The following SNX9 variants were observed in gnomAD, a reference collection of about 807,000 sequenced individuals.
The protein encoded by SNX9 is sorting nexin 9.
Under a neutral mutation model 89.4 loss-of-function variants are expected in SNX9, and 44 were observed. That is an observed-to-expected ratio of 0.49 (90% CI 0.39 to 0.63). SNX9 has a LOEUF of 0.63. SNX9 is among the 30% of genes least tolerant of loss of function. The probability of loss-of-function intolerance (pLI) is 0.00; values close to 1 mark genes in which losing one functional copy is unlikely to be tolerated. For synonymous variants in SNX9, 236 were observed against 247.8 expected (o/e 0.95, Z 0.45); for missense variants, 578 against 736.1 (o/e 0.79, Z 2.49).
intron 1 of SNX9, among the ~76,000 whole-genome samples, chr6:157,850,371 G>T (rs1186896301): frequency 2.0e-5 from 3 of 152,098 alleles, no homozygotes; most frequent in Non-Finnish European, 4.4e-5. Flanking sequence ...TTAAGAGAAG[G>T]TATTATTCAA....
intron 1 of SNX9, among the ~76,000 whole-genome samples, chr6:157,845,234 G>A (rs750275049): frequency 2.6e-5 from 4 of 151,020 alleles, no homozygotes; most frequent in Non-Finnish European, 5.9e-5. Flanking sequence ...TCAGCTTTCC[G>A]AATAGCTGGG....
chr6:157,828,416 T>G (rs1781421511), intron 1 of SNX9, among the ~76,000 whole-genome samples: 2 of 152,372 alleles, frequency 1.3e-5, no homozygotes, highest in South Asian at 4.1e-4. Flanking sequence ...TACTGCTGTT[T>G]CTTTTCTGGA....
chr6:157,832,815 C>T (rs1781502064), intron 1 of SNX9, among the ~76,000 whole-genome samples: 2 of 152,216 alleles, frequency 1.3e-5, no homozygotes, highest in South Asian at 4.1e-4. Context: ...ATTATGGGAA[C>T]TACAATTCAA....
Position 157,897,014 on chromosome 6 carries a change from C to G in SNX9, c.472+16C>G. 1.3e-6 allele frequency: 2 copies of G among 1,568,626 alleles called. No individual in the cohort carries two copies. The highest frequency in any genetic ancestry group is 1.7e-6 in the Non-Finnish European group (2 of 1,163,532). On this transcript the variant is annotated intron_variant, in intron 5 of 17. Coordinates refer to ENST00000392185, the MANE Select transcript of SNX9 (RefSeq NM_016224.5). The stretch of plus-strand genomic sequence containing the variant: ...CAAGGACCAGGTGAGGAGAGGGGTG[C>G]AAGGTCCCACCCTGCCCGCCCATGG...
At chr6:157,907,254 C>T (rs1783234640) in intron 7 of SNX9, among the ~76,000 whole-genome samples, 1 of 151,770 alleles carries the variant, frequency 6.6e-6, no homozygotes, top group South Asian at 2.1e-4. Context: ...ATCAAGAGCG[C>T]ACAGCTCTGC....
intron 16 of SNX9, among the ~76,000 whole-genome samples, chr6:157,939,433 AAATC>A (rs751389396): frequency 1.3e-5 from 2 of 152,214 alleles, no homozygotes; most frequent in Admixed American, 6.5e-5. Flanking sequence ...GAGTAAAAAA[AAATC>A]AATCCTCAAG....
chr6:157,870,557 GCT>G (rs898476196), intron 2 of SNX9, among the ~76,000 whole-genome samples: 4 of 130,974 alleles, frequency 3.1e-5, no homozygotes, highest in African/African-American at 1.2e-4. Context: ...ACTCTCACCT[GCT>G]CTCACACATA....
intron 1 of SNX9, among the ~76,000 whole-genome samples, chr6:157,864,914 G>C (rs993966565): frequency 1.3e-5 from 2 of 152,194 alleles, no homozygotes; most frequent in East Asian, 1.9e-4. Context: ...TGTAATCCCA[G>C]CTACTCGGGA....
Position 157,823,891 on chromosome 6 carries a change from G to T in SNX9, c.12+445G>T, listed in dbSNP as rs1472651990. 2.0e-5 allele frequency among the ~76,000 whole-genome samples: 3 copies of T among 151,904 alleles called. No individual in the cohort carries two copies. The highest frequency in any genetic ancestry group is 1.9e-4 in the East Asian group (1 of 5,160). Reference sequence around the variant, plus strand: ...TGGGGGACCCTCGCCCCCGCGGGGCGGGTGGGGGTCGAGACCTCGGCGGAG... The same window carrying T: ...TGGGGGACCCTCGCCCCCGCGGGGCTGGTGGGGGTCGAGACCTCGGCGGAG... On this transcript the variant is annotated intron_variant, in intron 1 of 17. Transcript: ENST00000392185. This position sits in a 1 kb window ranked among gnomAD's most constrained non-coding sequence, Gnocchi z 4.6.
intron 16 of SNX9, among the ~76,000 whole-genome samples, chr6:157,940,363 C>T (rs1784012850): frequency 6.6e-6 from 1 of 152,206 alleles, no homozygotes; most frequent in East Asian, 1.9e-4. Context: ...TTTGAATATG[C>T]AAGACAGTGA....
chr6:157,847,614 G>A (rs1781829940), intron 1 of SNX9, among the ~76,000 whole-genome samples: 1 of 152,106 alleles, frequency 6.6e-6, no homozygotes, highest in African/African-American at 2.4e-5. Flanking sequence ...GCCTTGCTGG[G>A]AAGGAGCCAG....
At chr6:157,861,432 A>C (rs1166718742) in intron 1 of SNX9, among the ~76,000 whole-genome samples, 1 of 152,250 alleles carries the variant, frequency 6.6e-6, no homozygotes, top group African/African-American at 2.4e-5. Flanking sequence ...AACTGTAGAA[A>C]GCGTGCTCAT....
chr6:157,828,828 G>C (rs1457902506), intron 1 of SNX9, among the ~76,000 whole-genome samples: 1 of 152,114 alleles, frequency 6.6e-6, no homozygotes, highest in African/African-American at 2.4e-5. Flanking sequence ...AGCCTTTCCT[G>C]ATGTCCCCGC....
chr6:157,886,762 T>G (rs1252212538), intron 4 of SNX9, among the ~76,000 whole-genome samples: 1 of 152,242 alleles, frequency 6.6e-6, no homozygotes, highest in African/African-American at 2.4e-5. Flanking sequence ...AGAAGTTATT[T>G]TATAGCTACT....
At chr6:157,882,851 A>G (rs1056512006) in intron 4 of SNX9, among the ~76,000 whole-genome samples, 3 of 152,236 alleles carry the variant, frequency 2.0e-5, no homozygotes, top group African/African-American at 7.2e-5. Flanking sequence ...TGCTATGAAC[A>G]TTGTTGACAA....
chr6:157,895,064 G>A (rs1335126100), intron 4 of SNX9, among the ~76,000 whole-genome samples: 1 of 152,216 alleles, frequency 6.6e-6, no homozygotes, highest in East Asian at 1.9e-4. Context: ...CGATACGTAT[G>A]TATGAGAGGA....
intron 11 of SNX9, 101 bp from the exon 12 acceptor site, chr6:157,928,496 ATC>A: frequency 1.2e-6 from 1 of 844,096 alleles, no homozygotes; most frequent in Non-Finnish European, 1.9e-6. Flanking sequence ...GGGAGTTGTT[ATC>A]ATGCAAGAAA....
chr6:157,859,230 G>C (rs1782071352), intron 1 of SNX9, among the ~76,000 whole-genome samples: 1 of 152,128 alleles, frequency 6.6e-6, no homozygotes, highest in African/African-American at 2.4e-5. Context: ...TGTTATCACT[G>C]AGTTTCTTCT....
At chr6:157,851,714 C>T (rs1445660614) in intron 1 of SNX9, among the ~76,000 whole-genome samples, 4 of 152,132 alleles carry the variant, frequency 2.6e-5, no homozygotes, top group African/African-American at 4.8e-5. Context: ...CTCAGCCTCC[C>T]GAGTAGCTGG....
Sources: allele counts gnomAD v4.1 joint callset (sites outside exome capture counted in the v4.1 genomes callset), GRCh38; gene constraint gnomAD v4.1.1; non-coding constraint Gnocchi (gnomAD v3.1); transcripts MANE v1.5; gene names NCBI Gene and HGNC (gene_info 2026-07-23, HGNC 2026-07-21).